Variants in EFCAB6 observed in about 807,000 individuals in gnomAD.
EFCAB6 encodes the protein EF-hand calcium binding domain 6, also known as EF-hand calcium-binding domain-containing protein 6.
In EFCAB6, 156 loss-of-function variants were observed where a neutral mutation model predicts 169.8. The ratio of observed to expected loss-of-function variants is 0.92; its 90% CI spans 0.81 to 1.05. The LOEUF (loss-of-function observed/expected upper bound fraction) is 1.05, where lower values mean the gene tolerates loss of function less well. Ranked by LOEUF, EFCAB6 falls within the 50% of genes least tolerant of loss-of-function variation. The probability of loss-of-function intolerance (pLI) is 0.00; values close to 1 mark genes in which losing one functional copy is unlikely to be tolerated. For synonymous variants in EFCAB6, 698 were observed against 676.4 expected (o/e 1.03, Z -0.50); for missense variants, 1,800 against 1,829.1 (o/e 0.98, Z 0.29).
intron 25 of EFCAB6, among the ~76,000 whole-genome samples, chr22:43,578,959 C>T (rs2050468481): frequency 6.7e-6 from 1 of 149,614 alleles, no homozygotes; most frequent in African/African-American, 2.5e-5. Context: ...AGCATCATTC[C>T]ATACACATAG....
intron 10 of EFCAB6, among the ~76,000 whole-genome samples, chr22:43,706,462 C>G (rs528957966): frequency 1.3e-5 from 2 of 152,224 alleles, no homozygotes; most frequent in South Asian, 4.1e-4. Context: ...TGGTCTCCCC[C>G]ACCAGCAGGC....
At chr22:43,566,565 G>A (rs556341242) in intron 26 of EFCAB6, among the ~76,000 whole-genome samples, 21 of 152,306 alleles carry the variant, frequency 1.4e-4, no homozygotes, top group African/African-American at 3.6e-4. Context: ...TATAGACAAA[G>A]TAAGTGGGGC....
chr22:43,619,875 TTA>T (rs144708263), intron 20 of EFCAB6, among the ~76,000 whole-genome samples: 11,776 of 151,766 alleles, frequency 0.078, 632 homozygotes, highest in Non-Finnish European at 0.12. Flanking sequence ...AAACATAAAT[TTA>T]CACATTTAAG....
At chr22:43,677,114 A>G (rs1041077728) in intron 13 of EFCAB6, among the ~76,000 whole-genome samples, 1 of 152,248 alleles carries the variant, frequency 6.6e-6, no homozygotes, top group African/African-American at 2.4e-5. Flanking sequence ...TATTGCATGC[A>G]CTATCTGAAA....
intron 27 of EFCAB6, among the ~76,000 whole-genome samples, chr22:43,546,622 G>A (rs2147117951): frequency 6.6e-6 from 1 of 152,272 alleles, no homozygotes; most frequent in South Asian, 2.1e-4. Flanking sequence ...TGTAATCCCA[G>A]CACTTTGGGA....
intron 6 of EFCAB6, among the ~76,000 whole-genome samples, chr22:43,736,464 C>A (rs914294210): frequency 6.6e-6 from 1 of 152,202 alleles, no homozygotes; most frequent in Non-Finnish European, 1.5e-5. Context: ...TTTGTAGCGA[C>A]TTCTCCAAAT....
chr22:43,589,182 C>T (rs1009171663), intron 24 of EFCAB6, among the ~76,000 whole-genome samples: 16 of 147,376 alleles, frequency 1.1e-4, no homozygotes, highest in Admixed American at 6.8e-5. Flanking sequence ...TTTGGGAGGC[C>T]GAGGTGGGCA....
intron 27 of EFCAB6, 58 bp from the exon 28 acceptor site, chr22:43,540,415 A>G (rs1278424547): frequency 1.9e-6 from 3 of 1,607,270 alleles, no homozygotes; most frequent in Admixed American, 1.7e-5. Context: ...GCAGCGTCGC[A>G]CCTGTGCCAG....
At chr22:43,746,755 T>A (rs775048674) in intron 6 of EFCAB6, among the ~76,000 whole-genome samples, 1 of 152,110 alleles carries the variant, frequency 6.6e-6, no homozygotes, top group Non-Finnish European at 1.5e-5. Flanking sequence ...TACAAAAAAT[T>A]AGAAATTAAA....
At chr22:43,559,721 A>G (rs1024369563) in intron 26 of EFCAB6, among the ~76,000 whole-genome samples, 2 of 152,238 alleles carry the variant, frequency 1.3e-5, no homozygotes, top group Non-Finnish European at 1.5e-5. Flanking sequence ...AGGGATATGG[A>G]TAAAGCTGGA....
At chr22:43,737,849 TCA>T (rs944295839) in intron 6 of EFCAB6, among the ~76,000 whole-genome samples, 1 of 134,192 alleles carries the variant, frequency 7.5e-6, no homozygotes, top group Non-Finnish European at 1.6e-5. Context: ...ACATATATTC[TCA>T]CACATACATA....
At chr22:43,609,604 C>T (rs960504672) in intron 21 of EFCAB6, among the ~76,000 whole-genome samples, 1 of 152,178 alleles carries the variant, frequency 6.6e-6, no homozygotes, top group Non-Finnish European at 1.5e-5. Flanking sequence ...ATATCTGAGA[C>T]ATCCTTTATA....
intron 25 of EFCAB6, among the ~76,000 whole-genome samples, chr22:43,580,111 G>C (rs1355783826): frequency 1.3e-5 from 2 of 152,140 alleles, no homozygotes; most frequent in Non-Finnish European, 2.9e-5. Context: ...CCTCTTCAAG[G>C]CCACCTTGAG....
At chr22:43,586,986 C>T (rs1464155829) in intron 24 of EFCAB6, among the ~76,000 whole-genome samples, 1 of 152,072 alleles carries the variant, frequency 6.6e-6, no homozygotes, top group Non-Finnish European at 1.5e-5. Context: ...GTATCAGAAT[C>T]CAAGAAATCA....
chr22:43,580,429 A>C (rs1162054852), intron 25 of EFCAB6, 35 bp downstream of exon 25: 1 of 1,605,354 alleles, frequency 6.2e-7, no homozygotes. Flanking sequence ...AATCAAGATG[A>C]GTTTTCACAG....
At chr22:43,596,656 G>C (rs939269972) in intron 23 of EFCAB6, among the ~76,000 whole-genome samples, 6 of 152,038 alleles carry the variant, frequency 3.9e-5, no homozygotes, top group Non-Finnish European at 4.4e-5. Context: ...AATTAATATT[G>C]TTAAAATGTC....
At chr22:43,721,534 T>A (rs748429234) in intron 8 of EFCAB6, among the ~76,000 whole-genome samples, 1 of 152,098 alleles carries the variant, frequency 6.6e-6, no homozygotes, top group Non-Finnish European at 1.5e-5. Flanking sequence ...ATGACACTAG[T>A]ACAAAAACAG....
intron 18 of EFCAB6, among the ~76,000 whole-genome samples, chr22:43,633,367 G>A (rs1172075480): frequency 1.3e-5 from 2 of 152,200 alleles, no homozygotes; most frequent in Non-Finnish European, 2.9e-5. Context: ...GGCCAACATG[G>A]TGAAACCCCA....
intron 29 of EFCAB6, chr22:43,535,478 C>G (rs2047330668): frequency 6.6e-6 from 1 of 152,324 alleles, no homozygotes; most frequent in Non-Finnish European, 1.5e-5. Flanking sequence ...TCTGATCAGG[C>G]TCATGTGGAT....
Sources: gnomAD v4.1 joint callset for allele counts (sites outside exome capture counted in the v4.1 genomes callset) on GRCh38, gnomAD v4.1.1 for gene constraint, MANE v1.5 for transcripts, NCBI Gene and HGNC (gene_info 2026-07-23, HGNC 2026-07-21) for gene names.